The following UBE2R2 variants were observed in gnomAD, a reference collection of about 807,000 sequenced individuals.
The protein encoded by UBE2R2 is ubiquitin-conjugating enzyme E2 R2.
A neutral mutation model predicts 27.8 loss-of-function variants in UBE2R2; 1 was observed. The ratio of observed to expected loss-of-function variants is 0.04; its 90% confidence interval spans 0.01 to 0.17. UBE2R2 has a LOEUF of 0.17. Among genes scored for constraint, UBE2R2 ranks in the 10% least tolerant of loss-of-function variants. The probability of loss-of-function intolerance (pLI) is 1.00; values close to 1 mark genes in which losing one functional copy is unlikely to be tolerated. For missense variants in UBE2R2, 100 were observed against 291.0 expected, an observed-to-expected ratio of 0.34 and a Z score of 4.78; for synonymous variants, 106 against 113.3, an observed-to-expected ratio of 0.94 and a Z score of 0.41.
chr9:33,857,872 A>G (rs1821145435), intron 1 of UBE2R2, among the ~76,000 whole-genome samples: 1 of 151,652 alleles, frequency 6.6e-6, no homozygotes, highest in South Asian at 2.1e-4. Context: ...TTTTCCCCCT[A>G]TTTCTTTTTT....
At chr9:33,871,081 C>T (rs977958743) in intron 1 of UBE2R2, among the ~76,000 whole-genome samples, 1 of 152,152 alleles carries the variant, frequency 6.6e-6, no homozygotes, top group Non-Finnish European at 1.5e-5. Flanking sequence ...AAGTAGTACC[C>T]CTTTGTAAAT....
chr9:33,917,478 T>G lies in UBE2R2; in HGVS notation c.*241T>G. The stretch of plus-strand genomic sequence containing the variant: ...TGCATTCTTTACCCTTCCATCACTA[T>G]ATTGATTCTTTTTTTAAAAAATATG... On this transcript the variant is annotated 3_prime_UTR_variant, in exon 5 of 5. Coordinates refer to ENST00000263228, the MANE Select transcript of UBE2R2 (RefSeq NM_017811.4). 1 of 583,910 alleles carries G rather than the reference T, an allele frequency of 1.7e-6. No individual in the cohort carries two copies. Among genetic ancestry groups the G allele is most frequent in the Non-Finnish European group, 2.9e-6 (1 of 344,550 alleles). The allele number at this position is 583,910 out of a possible 1,614,324, so 36.2% of individuals were successfully genotyped here.
At position 33,832,185 on chromosome 9, in the gene UBE2R2, G is replaced by C. The variant is rs570178481; in HGVS notation, c.177+14251G>C. Among the ~76,000 whole-genome samples the C allele has an allele frequency of 5.3e-5, 8 of 151,748 alleles. No individual in the cohort carries two copies. In the South Asian group the frequency reaches 1.7e-3, roughly 32 times the overall value. On this transcript the variant is annotated intron_variant, in intron 1 of 4. Transcript: ENST00000263228. The stretch of plus-strand genomic sequence containing the variant: ...TAGGCAGGCGTGGTGGTGCGTGCCT[G>C]TAATCCCAGCTACTTCAGAGGCTGA...
At chr9:33,912,422 C>T (rs766989200) in intron 4 of UBE2R2, among the ~76,000 whole-genome samples, 23 of 152,036 alleles carry the variant, frequency 1.5e-4, no homozygotes, top group Non-Finnish European at 2.2e-4. Context: ...GTCAGGAGTT[C>T]GAGACCGGCT....
At chr9:33,818,062 C>T in intron 1 of UBE2R2, 128 bp downstream of exon 1, 1 of 1,088,848 alleles carries the variant, frequency 9.2e-7, no homozygotes, top group Non-Finnish European at 1.3e-6. Context: ...CCCGTGCAGC[C>T]CCCTCCCCCA....
At chr9:33,883,354 T>A (rs1434900224) in intron 1 of UBE2R2, among the ~76,000 whole-genome samples, 2 of 152,172 alleles carry the variant, frequency 1.3e-5, no homozygotes, top group African/African-American at 2.4e-5. Context: ...TTTGGATGCC[T>A]ATGGCAGACC....
chr9:33,815,267 T>C (rs1825726881), upstream of UBE2R2, among the ~76,000 whole-genome samples: 1 of 152,232 alleles, frequency 6.6e-6, no homozygotes. Flanking sequence ...GATGAGATCC[T>C]GGAACAGCAA....
chr9:33,861,082 C>T (rs1213855899), intron 1 of UBE2R2, among the ~76,000 whole-genome samples: 2 of 151,596 alleles, frequency 1.3e-5, no homozygotes, highest in Admixed American at 1.3e-4. Flanking sequence ...CCTCAGCCTC[C>T]AGAGTACCTG....
At chr9:33,909,793 C>T (rs1027928193) in intron 3 of UBE2R2, among the ~76,000 whole-genome samples, 1 of 152,168 alleles carries the variant, frequency 6.6e-6, no homozygotes, top group Non-Finnish European at 1.5e-5. Context: ...AGGAGTTATC[C>T]TTAACCTAAT....
At chr9:33,914,108 A>T (rs1457100670) in intron 4 of UBE2R2, among the ~76,000 whole-genome samples, 3 of 152,200 alleles carry the variant, frequency 2.0e-5, no homozygotes, top group Non-Finnish European at 4.4e-5. Context: ...ACTAAGCAAC[A>T]GCTTTGTGTT....
rs775634986 is a variant in UBE2R2 at position 33,861,847 on chromosome 9, C to CT, written c.178-25010dup. ...GAGATACCATTTGTTGATCCACTTT[C>CT]TTTTTTTTTTTTTTTTTTTTTTTTA... On this transcript the variant is annotated intron_variant, in intron 1 of 4. Transcript: ENST00000263228. Among the ~76,000 whole-genome samples the CT allele has an allele frequency of 9.8e-3, 936 of 95,412 alleles. 7 individuals carry two copies. Among genetic ancestry groups the CT allele is most frequent in the East Asian group, 0.024 (80 of 3,276 alleles). The allele number at this position is 95,412 out of a possible 152,430, so 62.6% of individuals were successfully genotyped here.
intron 1 of UBE2R2, among the ~76,000 whole-genome samples, chr9:33,863,154 C>T (rs1217712365): frequency 1.4e-5 from 2 of 141,864 alleles, no homozygotes; most frequent in Non-Finnish European, 3.0e-5. Flanking sequence ...TGCCACTGCA[C>T]TCCTGCAGCC....
At chr9:33,884,197 A>ACTCTCTCTCTCTCTCTCTCTCTCTCT (rs1267784081) in intron 1 of UBE2R2, among the ~76,000 whole-genome samples, 1 of 39,656 alleles carries the variant, frequency 2.5e-5, no homozygotes, top group Non-Finnish European at 6.0e-5. Flanking sequence ...ACAACTTAAG[A>ACTCTCTCTCTCTCTCTCTCTCTCTCT]ATCTCTCTCT....
At chr9:33,912,937 C>A (rs1822525406) in intron 4 of UBE2R2, among the ~76,000 whole-genome samples, 1 of 152,018 alleles carries the variant, frequency 6.6e-6, no homozygotes, top group South Asian at 2.1e-4. Context: ...CTACCCTCCA[C>A]CTCTTTTTTA....
At chr9:33,886,834 A>AT (rs1821869648) in intron 1 of UBE2R2, 47 bp from the exon 2 acceptor site, 1 of 1,471,706 alleles carries the variant, frequency 6.8e-7, no homozygotes, top group Non-Finnish European at 9.2e-7. Flanking sequence ...AGGCAGATGA[A>AT]TAAGTTATAG....
intron 3 of UBE2R2, among the ~76,000 whole-genome samples, chr9:33,911,653 C>A (rs1298980230): frequency 6.6e-6 from 1 of 152,004 alleles, no homozygotes; most frequent in African/African-American, 2.4e-5. Flanking sequence ...TTGTGCATTA[C>A]CCTTATACTA....
At chr9:33,816,858 A>G (rs1399646190), upstream of UBE2R2, among the ~76,000 whole-genome samples, 3 of 152,230 alleles carry the variant, frequency 2.0e-5, no homozygotes, top group African/African-American at 7.2e-5. Context: ...TGCGGCGTCC[A>G]GCCGCACAAC....
chr9:33,869,075 C>T (rs1357086134), intron 1 of UBE2R2, among the ~76,000 whole-genome samples: 1 of 152,002 alleles, frequency 6.6e-6, no homozygotes, highest in Admixed American at 6.6e-5. Context: ...CAAGACCAGC[C>T]TGGGCAATAT....
chr9:33,830,336 T>C (rs1820434947), intron 1 of UBE2R2, among the ~76,000 whole-genome samples: 1 of 150,260 alleles, frequency 6.7e-6, no homozygotes, highest in South Asian at 2.1e-4. Flanking sequence ...TTTTGTATTT[T>C]GGTAGAGACG....
Sources: gnomAD v4.1 joint callset for allele counts (sites outside exome capture counted in the v4.1 genomes callset) on GRCh38, gnomAD v4.1.1 for gene constraint, MANE v1.5 for transcripts, NCBI Gene and HGNC (gene_info 2026-07-23, HGNC 2026-07-21) for gene names.